Variants in ASTN2 observed in about 807,000 individuals in gnomAD.
The protein encoded by ASTN2 is astrotactin-2.
ASTN2 carries 54 observed loss-of-function variants against 139.8 expected under a neutral mutation model. That is an observed-to-expected ratio of 0.39 (90% confidence interval 0.31 to 0.48). The LOEUF (loss-of-function observed/expected upper bound fraction) is 0.48. Among genes scored for constraint, ASTN2 ranks in the 20% least tolerant of loss-of-function variants. ASTN2 has a pLI of 0.95. For missense variants in ASTN2, 1,565 were observed against 1,725.1 expected (o/e 0.91, Z 1.64); for synonymous variants, 756 against 719.5 (o/e 1.05, Z -0.81).
intron 11 of ASTN2, among the ~76,000 whole-genome samples, chr9:116,838,710 C>A (rs73533326): frequency 1.3e-5 from 2 of 151,772 alleles, no homozygotes; most frequent in Non-Finnish European, 2.9e-5. Flanking sequence ...TGATTACAGG[C>A]GTGAGCCACT....
chr9:117,257,309 A>G (rs903994787), intron 2 of ASTN2, among the ~76,000 whole-genome samples: 1 of 152,218 alleles, frequency 6.6e-6, no homozygotes. Flanking sequence ...AAAGGATCCA[A>G]AGAACTCCAA....
intron 7 of ASTN2, among the ~76,000 whole-genome samples, chr9:116,993,869 T>TATATAG (rs1836933837): frequency 7.1e-6 from 1 of 141,678 alleles, no homozygotes; most frequent in Non-Finnish European, 1.5e-5. Flanking sequence ...TATATATATA[T>TATATAG]ATATATATTT....
At chr9:117,324,730 G>C (rs1436516157) in intron 1 of ASTN2, among the ~76,000 whole-genome samples, 1 of 152,176 alleles carries the variant, frequency 6.6e-6, no homozygotes, top group Non-Finnish European at 1.5e-5. Flanking sequence ...AGAGGCCATA[G>C]CAAGTGGTGA....
chr9:116,886,327 AGCAATGTGGGAAGACTGATTCCTCCT>A (rs1833595139), intron 10 of ASTN2, among the ~76,000 whole-genome samples: 1 of 152,256 alleles, frequency 6.6e-6, no homozygotes. Context: ...AGACTGCCCA[AGCAATGTGGGAAGACTGATTCCTCCT>A]GCAATTGTTT....
intron 19 of ASTN2, chr9:116,582,187 T>C (rs1853976915): frequency 6.6e-6 from 1 of 152,196 alleles, no homozygotes; most frequent in African/African-American, 2.4e-5. Flanking sequence ...CTAGGATCAG[T>C]CCTTTCCTGT....
At chr9:116,435,209 G>C (rs1847613873) in intron 22 of ASTN2, among the ~76,000 whole-genome samples, 1 of 152,144 alleles carries the variant, frequency 6.6e-6, no homozygotes, top group Non-Finnish European at 1.5e-5. Context: ...TACAAACAAG[G>C]TCCAGAATGG....
At chr9:116,667,851 CCT>C (rs1466050125) in intron 16 of ASTN2, among the ~76,000 whole-genome samples, 4 of 144,936 alleles carry the variant, frequency 2.8e-5, no homozygotes, top group Admixed American at 2.1e-4. Flanking sequence ...CATAGCTTCC[CCT>C]GTCATCAACA....
At chr9:117,099,835 A>G (rs1587962600) in intron 4 of ASTN2, among the ~76,000 whole-genome samples, 1 of 152,174 alleles carries the variant, frequency 6.6e-6, no homozygotes, top group Admixed American at 6.5e-5. Flanking sequence ...CCATCCCTAT[A>G]AGGACTGTAT....
intron 3 of ASTN2, among the ~76,000 whole-genome samples, chr9:117,213,566 C>T (rs749930758): frequency 1.3e-5 from 2 of 151,968 alleles, no homozygotes; most frequent in Admixed American, 6.6e-5. Context: ...TAAATATGTA[C>T]GAACATTATT....
chr9:117,052,434 T>A (rs4838120), intron 5 of ASTN2, among the ~76,000 whole-genome samples: 71,235 of 137,022 alleles, frequency 0.52, 19,686 homozygotes, highest in African/African-American at 0.61. Context: ...GACTCCATCT[T>A]AAAAAAAAAA....
rs116394948 is a variant in ASTN2, at chr9:117,102,067, C to G, written c.1169-5916G>C. On this transcript the variant is annotated intron_variant, in intron 4 of 22. Coordinates refer to ENST00000313400, the MANE Select transcript of ASTN2 (RefSeq NM_001365068.1). The stretch of plus-strand genomic sequence containing the variant: ...GCCCCAAAACTGAAGATAGGGCATT[C>G]AAACAAGTATCTGTACATGAATGTT... Among the ~76,000 whole-genome samples, 689 of 152,284 alleles carry G rather than the reference C, an allele frequency of 4.5e-3. 7 individuals are homozygous for G. The highest frequency in any genetic ancestry group is 0.016 in the African/African-American group (664 of 41,552).
chr9:117,120,950 G>C (rs990943323), intron 4 of ASTN2, among the ~76,000 whole-genome samples: 1 of 152,212 alleles, frequency 6.6e-6, no homozygotes, highest in African/African-American at 2.4e-5. Flanking sequence ...ACAAATTGTA[G>C]GCCCAAGTTT....
intron 20 of ASTN2, among the ~76,000 whole-genome samples, chr9:116,446,335 GATC>G (rs1409668016): frequency 6.8e-6 from 1 of 147,592 alleles, no homozygotes; most frequent in East Asian, 2.1e-4. Context: ...AGTTTCTTGA[GATC>G]AGAAAGGGTG....
chr9:117,393,456 A>C (rs968878166), intron 1 of ASTN2, among the ~76,000 whole-genome samples: 5 of 152,182 alleles, frequency 3.3e-5, no homozygotes, highest in Admixed American at 6.5e-5. Context: ...AAAGACAGAA[A>C]AGAGAAGAAA....
intron 13 of ASTN2, among the ~76,000 whole-genome samples, chr9:116,795,744 G>A (rs1830672614): frequency 1.3e-5 from 2 of 152,196 alleles, no homozygotes; most frequent in Non-Finnish European, 2.9e-5. Flanking sequence ...TGGAACTGGG[G>A]GGAAAGGAAT....
chr9:116,737,685 GATA>G (rs1254739123), intron 13 of ASTN2, among the ~76,000 whole-genome samples: 2 of 148,548 alleles, frequency 1.3e-5, no homozygotes, highest in Non-Finnish European at 3.0e-5. Context: ...TAGCAATAAT[GATA>G]ATATTTACAG....
chr9:116,565,215 AACACACACACACACACACACACAC>A (rs59415099), intron 19 of ASTN2, among the ~76,000 whole-genome samples: 1 of 134,266 alleles, frequency 7.4e-6, no homozygotes, highest in Admixed American at 7.4e-5. Flanking sequence ...GCTTGCCACA[AACACACACACACACACACACACAC>A]ACACACACAC....
intron 13 of ASTN2, among the ~76,000 whole-genome samples, chr9:116,758,786 G>A (rs181245124): frequency 6.6e-6 from 1 of 152,248 alleles, no homozygotes; most frequent in Admixed American, 6.5e-5. Flanking sequence ...ATGGGACCAG[G>A]GCCATTGTCT....
chr9:117,052,402 A>G (rs1199911058), intron 5 of ASTN2, among the ~76,000 whole-genome samples: 2 of 145,360 alleles, frequency 1.4e-5, no homozygotes, highest in African/African-American at 5.2e-5. Context: ...ACACCACTGC[A>G]CTCCAGCCTG....
Sources: allele counts gnomAD v4.1 joint callset (sites outside exome capture counted in the v4.1 genomes callset), GRCh38; gene constraint gnomAD v4.1.1; transcripts MANE v1.5; gene names NCBI Gene and HGNC (gene_info 2026-07-23, HGNC 2026-07-21).